The following PABPC4L variants were observed in gnomAD, a reference collection of about 807,000 sequenced individuals.
The protein encoded by PABPC4L is poly(A) binding protein cytoplasmic 4 like.
For synonymous variants in PABPC4L, 169 were observed against 164.1 expected, an observed-to-expected ratio of 1.03 and a Z score of -0.23; for missense variants, 452 against 451.4, an observed-to-expected ratio of 1.00 and a Z score of -0.01.
At chr4:134,064,632 G>A in the PABPC4L span, among the ~76,000 whole-genome samples, 2 of 152,002 alleles carry the variant, frequency 1.3e-5, no homozygotes, top group Admixed American at 6.6e-5. Flanking sequence ...CAGCATACAC[G>A]TAGAGGTTTG....
chr4:134,082,347 T>A, the PABPC4L span, among the ~76,000 whole-genome samples: 3 of 152,060 alleles, frequency 2.0e-5, no homozygotes, highest in Non-Finnish European at 4.4e-5. Flanking sequence ...ATTTGGGGTA[T>A]AAAGATGGGA....
chr4:133,994,511 G>A, the PABPC4L span, among the ~76,000 whole-genome samples: 2 of 152,068 alleles, frequency 1.3e-5, no homozygotes, highest in Non-Finnish European at 2.9e-5. Context: ...TTGCTTGGCT[G>A]TGTGCACTTC....
the PABPC4L span, among the ~76,000 whole-genome samples, chr4:134,089,660 AC>A: frequency 6.6e-6 from 1 of 152,092 alleles, no homozygotes; most frequent in Non-Finnish European, 1.5e-5. Flanking sequence ...ACACAAATGC[AC>A]TTATACATTT....
At chr4:134,176,945 C>A in the PABPC4L span, among the ~76,000 whole-genome samples, 40 of 152,212 alleles carry the variant, frequency 2.6e-4, no homozygotes, top group African/African-American at 9.4e-4. Context: ...AAGCCTTGAG[C>A]CCTGCAGCAG....
At chr4:134,130,167 A>G in the PABPC4L span, among the ~76,000 whole-genome samples, 4 of 151,932 alleles carry the variant, frequency 2.6e-5, no homozygotes, top group African/African-American at 9.7e-5. Context: ...AAAACCTAGC[A>G]GAAGAAAAGA....
At chr4:134,068,975 G>T in the PABPC4L span, among the ~76,000 whole-genome samples, 7 of 152,156 alleles carry the variant, frequency 4.6e-5, no homozygotes, top group East Asian at 1.3e-3. Flanking sequence ...CTCCCAAAGT[G>T]CTGGGATTAC....
rs879751156 is a variant in PABPC4L at position 134,196,901 on chromosome 4, A to C, written c.*3006T>G. On this transcript the variant is annotated 3_prime_UTR_variant, in exon 2 of 2. Coordinates refer to ENST00000421491, the MANE Select transcript of PABPC4L (RefSeq NM_001114734.2). ...TGTAATTAAGCCATAGCTATAATTC[A>C]TCTAGACATCTGATGTTATGTCCTA... The C allele has an allele frequency of 3.3e-5, 5 of 151,670 alleles. No individual in the cohort carries two copies. Among genetic ancestry groups the C allele is most frequent in the South Asian group, 2.1e-4 (1 of 4,830 alleles). The allele number at this position is 151,670 out of a possible 1,614,324, so 9.4% of individuals were successfully genotyped here. A position where few individuals can be genotyped will look rare whatever the true frequency, so the allele number is the denominator to read the frequency against.
At chr4:134,158,031 T>A in the PABPC4L span, among the ~76,000 whole-genome samples, 1 of 151,964 alleles carries the variant, frequency 6.6e-6, no homozygotes, top group African/African-American at 2.4e-5. Context: ...ATAACATTTA[T>A]ACTAATGCTT....
chr4:134,171,666 C>G, the PABPC4L span, among the ~76,000 whole-genome samples: 1 of 152,136 alleles, frequency 6.6e-6, no homozygotes, highest in Non-Finnish European at 1.5e-5. Flanking sequence ...TAAGTCCTAG[C>G]CAGAGCAATC....
chr4:134,127,714 A>C, the PABPC4L span, among the ~76,000 whole-genome samples: 1 of 152,034 alleles, frequency 6.6e-6, no homozygotes, highest in Non-Finnish European at 1.5e-5. Context: ...AACCAGAAAA[A>C]CGATTCTGGT....
the PABPC4L span, among the ~76,000 whole-genome samples, chr4:134,148,761 C>A: frequency 6.6e-6 from 1 of 152,088 alleles, no homozygotes; most frequent in African/African-American, 2.4e-5. Context: ...GTTATCCCTG[C>A]CAGTATACTA....
chr4:134,195,641 A>G (rs181846663), downstream of PABPC4L, among the ~76,000 whole-genome samples: 1 of 151,836 alleles, frequency 6.6e-6, no homozygotes, highest in East Asian at 1.9e-4. Flanking sequence ...TGTTTTCTCT[A>G]CTACAGTTAA....
At chr4:134,108,592 G>T in the PABPC4L span, among the ~76,000 whole-genome samples, 1 of 151,858 alleles carries the variant, frequency 6.6e-6, no homozygotes, top group African/African-American at 2.4e-5. Context: ...TTAGGCATTA[G>T]ACAAATTTGT....
the PABPC4L span, among the ~76,000 whole-genome samples, chr4:134,177,873 C>A: frequency 3.9e-5 from 6 of 152,050 alleles, 1 homozygote; most frequent in East Asian, 1.2e-3. Context: ...GGCTCATGAC[C>A]CCACCCTCCC....
the PABPC4L span, among the ~76,000 whole-genome samples, chr4:134,180,093 T>C: frequency 6.6e-6 from 1 of 150,392 alleles, no homozygotes; most frequent in African/African-American, 2.5e-5. Flanking sequence ...GAATATACAC[T>C]ATTATCATTG....
Position 134,199,923 on chromosome 4 carries a change from A to T in PABPC4L, c.1097T>A (p.Leu366Ter), listed in dbSNP as rs1487605800. 6 of 1,551,422 alleles carry T rather than the reference A, an allele frequency of 3.9e-6. No individual in the cohort carries two copies. The highest frequency in any genetic ancestry group is 2.7e-5 in the African/African-American group (2 of 73,034). The change falls in exon 2 of 2, where the codon TTG becomes TAG. Residue 366 changes from leucine to a stop codon, truncating the protein, a stop_gained. Transcript: ENST00000421491. LOFTEE classifies it high-confidence loss of function. ...ILGSKPLSIA[L>*]AQRH is the part of the protein sequence containing the mutation. ...TTTTCTTTCCTAGTGTCTCTGGGCC[A>T]AGGCAATGCTAAGAGGTTTGGAGCC...
chr4:133,990,736 C>T, the PABPC4L span, among the ~76,000 whole-genome samples: 1 of 152,042 alleles, frequency 6.6e-6, no homozygotes, highest in African/African-American at 2.4e-5. Flanking sequence ...CATTGCCGAC[C>T]CCCCCAGTAG....
At chr4:134,115,760 T>C in the PABPC4L span, among the ~76,000 whole-genome samples, 1 of 151,744 alleles carries the variant, frequency 6.6e-6, no homozygotes, top group Non-Finnish European at 1.5e-5. Flanking sequence ...TGAAGAATAA[T>C]ATAGTGCTAC....
At chr4:134,149,494 T>G in the PABPC4L span, among the ~76,000 whole-genome samples, 126 of 152,276 alleles carry the variant, frequency 8.3e-4, no homozygotes, top group African/African-American at 2.9e-3. Flanking sequence ...GAAAACAGGC[T>G]CCTACCCTCC....
Sources: gnomAD v4.1 joint callset for allele counts (sites outside exome capture counted in the v4.1 genomes callset) on GRCh38, gnomAD v4.1.1 for gene constraint, MANE v1.5 for transcripts, NCBI Gene and HGNC (gene_info 2026-07-23, HGNC 2026-07-21) for gene names.